Variants in ACER3 observed in about 807,000 individuals in gnomAD.
ACER3 encodes alkCDase 3.
Under a neutral mutation model 48.9 loss-of-function variants are expected in ACER3, and 16 were observed. That is an observed-to-expected ratio of 0.33 (90% confidence interval 0.22 to 0.50). The LOEUF (loss-of-function observed/expected upper bound fraction) is 0.50, where lower values mean the gene tolerates loss of function less well. ACER3 is among the 20% of genes least tolerant of loss of function. The pLI is 0.98. For synonymous variants in ACER3, 109 were observed against 107.8 expected (o/e 1.01, Z -0.07); for missense variants, 227 against 326.0 (o/e 0.70, Z 2.34).
At chr11:76,940,487 T>C (rs969975494) in intron 2 of ACER3, among the ~76,000 whole-genome samples, 2 of 152,198 alleles carry the variant, frequency 1.3e-5, no homozygotes, top group African/African-American at 4.8e-5. Flanking sequence ...ATTGGTATAC[T>C]ATCATCAGCT....
At chr11:76,898,901 C>T (rs895336551) in intron 1 of ACER3, among the ~76,000 whole-genome samples, 1 of 52,998 alleles carries the variant, frequency 1.9e-5, no homozygotes, top group African/African-American at 1.8e-4. Context: ...GAGACTCCGT[C>T]TCAAAAAAAA....
At chr11:76,993,205 G>A (rs1011612465) in intron 6 of ACER3, among the ~76,000 whole-genome samples, 5 of 152,056 alleles carry the variant, frequency 3.3e-5, no homozygotes, top group Non-Finnish European at 7.3e-5. Flanking sequence ...TGCCTTCAAT[G>A]TTCCAGACAC....
chr11:76,994,604 G>A (rs1485881223), intron 6 of ACER3, among the ~76,000 whole-genome samples: 11 of 152,214 alleles, frequency 7.2e-5, no homozygotes, highest in Admixed American at 7.2e-4. Flanking sequence ...ATATAAATAT[G>A]TTACAGAACT....
chr11:76,936,414 A>G (rs932390940), intron 2 of ACER3, among the ~76,000 whole-genome samples: 3 of 152,224 alleles, frequency 2.0e-5, no homozygotes, highest in African/African-American at 7.2e-5. Context: ...GAAGGCTAAA[A>G]GTAAAAATAA....
At chr11:76,915,760 G>A (rs1343133015) in intron 1 of ACER3, among the ~76,000 whole-genome samples, 3 of 152,242 alleles carry the variant, frequency 2.0e-5, no homozygotes, top group African/African-American at 7.2e-5. Context: ...ATGGAAGAAG[G>A]CGAAGGGGAA....
At chr11:76,938,479 C>T (rs776046295) in intron 2 of ACER3, among the ~76,000 whole-genome samples, 1 of 151,586 alleles carries the variant, frequency 6.6e-6, no homozygotes. Context: ...CCACTACACC[C>T]GGCTTACTTA....
intron 5 of ACER3, among the ~76,000 whole-genome samples, chr11:76,986,767 C>T (rs928140364): frequency 1.3e-5 from 2 of 152,076 alleles, no homozygotes; most frequent in African/African-American, 2.4e-5. Context: ...TATTTATCCT[C>T]GAAGAAGTGT....
intron 3 of ACER3, among the ~76,000 whole-genome samples, chr11:76,962,047 TTTTATTATTATTA>T (rs1948007687): frequency 6.7e-6 from 1 of 150,218 alleles, no homozygotes; most frequent in Admixed American, 6.6e-5. Flanking sequence ...TATTTTTAAT[TTTTATTATTATTA>T]TTTTTTGAGA....
chr11:76,897,453 T>A (rs2134651032), intron 1 of ACER3, among the ~76,000 whole-genome samples: 1 of 152,334 alleles, frequency 6.6e-6, no homozygotes, highest in African/African-American at 2.4e-5. Flanking sequence ...TACCTATGCA[T>A]CATTTTATAG....
At position 76,892,732 on chromosome 11, in the gene ACER3, A is replaced by C. The variant is rs1427263561; in HGVS notation, c.103+31653A>C. ...TATTTTCTAGTCTAATTTTTGTCTTACTGCTGAGGAACTTGATATAAGAAA... is the reference window on the plus strand; with the variant it reads ...TATTTTCTAGTCTAATTTTTGTCTTCCTGCTGAGGAACTTGATATAAGAAA... On this transcript the variant is annotated intron_variant, in intron 1 of 10. Transcript: ENST00000532485. Among the ~76,000 whole-genome samples, 3 of 152,112 alleles carry C rather than the reference A, an allele frequency of 2.0e-5. No individual in the cohort carries two copies. The South Asian group carries it at 6.2e-4, about 31-fold the overall frequency.
rs1419769336 is a variant in ACER3 at position 77,011,285 on chromosome 11, C to T, written c.498-3731C>T. On this transcript the variant is annotated intron_variant, in intron 7 of 10. Coordinates refer to ENST00000532485, the MANE Select transcript of ACER3 (RefSeq NM_018367.7). The stretch of plus-strand genomic sequence containing the variant: ...GCTGATGTTCTTGCTCTCCCCTTCC[C>T]GCCCTGCTACCTGGATAACCAAAGA... 4.1e-6 allele frequency: 4 copies of T among 978,522 alleles called. No individual in the cohort carries two copies. In the East Asian group the frequency reaches 3.4e-4, roughly 83 times the overall value. 60.6% of individuals were successfully genotyped at this position (978,522 alleles called of 1,614,324 possible).
chr11:76,917,285 G>T (rs188443918), intron 1 of ACER3, among the ~76,000 whole-genome samples: 1 of 151,840 alleles, frequency 6.6e-6, no homozygotes, highest in East Asian at 1.9e-4. Flanking sequence ...CAATATTGGT[G>T]GTTTAAAAAT....
intron 2 of ACER3, among the ~76,000 whole-genome samples, chr11:76,937,804 T>C (rs1209919698): frequency 3.3e-5 from 5 of 152,214 alleles, no homozygotes; most frequent in Non-Finnish European, 2.9e-5. Flanking sequence ...TTATTTCACA[T>C]ATTCAAAAAT....
At chr11:76,989,633 A>G (rs574862280) in intron 5 of ACER3, among the ~76,000 whole-genome samples, 8 of 152,338 alleles carry the variant, frequency 5.3e-5, no homozygotes, top group Admixed American at 1.3e-4. Context: ...ACATTTGAGG[A>G]AGCACAGTAC....
intron 7 of ACER3, among the ~76,000 whole-genome samples, chr11:77,008,050 A>T (rs1949189974): frequency 6.6e-6 from 1 of 152,190 alleles, no homozygotes; most frequent in African/African-American, 2.4e-5. Flanking sequence ...TATAATTATG[A>T]TTTATCAATT....
chr11:76,988,467 A>G (rs1948730649), intron 5 of ACER3, among the ~76,000 whole-genome samples: 1 of 152,202 alleles, frequency 6.6e-6, no homozygotes, highest in Non-Finnish European at 1.5e-5. Flanking sequence ...AAGCAAACAC[A>G]TCCTTCTTCA....
chr11:77,020,170 C>G (rs2135341358), intron 10 of ACER3, 104 bp from the exon 11 acceptor site: 1 of 1,210,934 alleles, frequency 8.3e-7, no homozygotes, highest in South Asian at 1.3e-5. Flanking sequence ...CACTAGCAAA[C>G]CTACGTATAG....
intron 2 of ACER3, among the ~76,000 whole-genome samples, chr11:76,930,626 C>T (rs1946971549): frequency 6.6e-6 from 1 of 151,932 alleles, no homozygotes; most frequent in Non-Finnish European, 1.5e-5. Context: ...TCCCTCTACA[C>T]ACTACTTAAA....
At chr11:76,861,894 G>A (rs1944949770) in intron 1 of ACER3, among the ~76,000 whole-genome samples, 1 of 152,120 alleles carries the variant, frequency 6.6e-6, no homozygotes, top group Admixed American at 6.5e-5. Context: ...CTTCTTTAGC[G>A]GCTGCTCTGT....
Sources: allele counts gnomAD v4.1 joint callset (sites outside exome capture counted in the v4.1 genomes callset), GRCh38; gene constraint gnomAD v4.1.1; transcripts MANE v1.5; gene names NCBI Gene and HGNC (gene_info 2026-07-23, HGNC 2026-07-21).